MAP3K4: variants seen among roughly 807,000 people sequenced by gnomAD.
The protein encoded by MAP3K4 is MAP three kinase 1.
A neutral mutation model predicts 185.6 loss-of-function variants in MAP3K4; 67 were observed. That is an observed-to-expected ratio of 0.36 (90% CI 0.30 to 0.44). The LOEUF (loss-of-function observed/expected upper bound fraction) is 0.44. Among genes scored for constraint, MAP3K4 ranks in the 20% least tolerant of loss-of-function variants. The pLI is 1.00. For synonymous variants in MAP3K4, 702 were observed against 710.4 expected, an observed-to-expected ratio of 0.99 and a Z score of 0.19; for missense variants, 1,551 against 1,995.1, an observed-to-expected ratio of 0.78 and a Z score of 4.24.
rs942141682 is a variant in MAP3K4, at chr6:160,996,233, G to A, written c.152+4150G>A. 3.3e-5 allele frequency among the ~76,000 whole-genome samples: 5 copies of A among 152,156 alleles called. No individual in the cohort carries two copies. The highest frequency in any genetic ancestry group is 6.5e-5 in the Admixed American group (1 of 15,286). On this transcript the variant is annotated intron_variant, in intron 1 of 26. Coordinates refer to ENST00000392142, the MANE Select transcript of MAP3K4 (RefSeq NM_005922.4). This position sits in a 1 kb window ranked among gnomAD's most constrained non-coding sequence, Gnocchi z 4.5. ...CACTGTAACAGTAGATGCCATTGGC[G>A]GGGGTGGCGTTAGGCAGAGAGGAGT...
chr6:161,049,877 G>A lies in MAP3K4; in HGVS notation c.1605G>A (p.Lys535=). The change falls in exon 3 of 27, where the codon AAG becomes AAA. Residue 535 remains lysine (K), a synonymous_variant. Transcript: ENST00000392142. This position sits in a 1 kb window ranked among gnomAD's most constrained non-coding sequence, Gnocchi z 8.4. ...GACCATTTGTAGACAAAGCACTGAA[G>A]CAGATGGGGTTAAGAAAGTTAATTT... ...IYRPFVDKAL[K]QMGLRKLILR... is the part of the protein sequence containing the mutation. 1.2e-6 allele frequency: 2 copies of A among 1,614,190 alleles called. No individual in the cohort carries two copies. Among genetic ancestry groups the A allele is most frequent in the Non-Finnish European group, 8.5e-7 (1 of 1,180,024 alleles).
At position 161,040,982 on chromosome 6, in the gene MAP3K4, A is replaced by G. The variant is rs568400449; in HGVS notation, c.343+6533A>G. On this transcript the variant is annotated intron_variant, in intron 2 of 26. Coordinates refer to ENST00000392142, the MANE Select transcript of MAP3K4 (RefSeq NM_005922.4). ...TGTTGATGTTGAGTTAATGAAAGGG[A>G]GATTGTCTTCCACGGGCTGGCTTAA... Among the ~76,000 whole-genome samples the G allele has an allele frequency of 1.9e-3, 291 of 152,290 alleles. 1 individual carries two copies. Among genetic ancestry groups the G allele is most frequent in the Non-Finnish European group, 3.5e-3 (235 of 68,030 alleles).
In MAP3K4 at chr6:161,106,795, C is replaced by A; in HGVS notation, c.4048+90C>A. 1.9e-6 allele frequency: 2 copies of A among 1,076,592 alleles called. No homozygotes were observed. Among genetic ancestry groups the A allele is most frequent in the Non-Finnish European group, 1.3e-6 (1 of 778,484 alleles). The allele number at this position is 1,076,592 out of a possible 1,614,324, so 66.7% of individuals were successfully genotyped here. ...TTTAGGTTGAATCCTATAGAGTTGG[C>A]CCTTTTTTCTTGTAGACATAGCAAG... is the stretch of plus-strand genomic sequence containing the variant. On this transcript the variant is annotated intron_variant, in intron 20 of 26. Coordinates refer to ENST00000392142, the MANE Select transcript of MAP3K4 (RefSeq NM_005922.4). The surrounding 1 kb of genome is among the most constrained non-coding windows in gnomAD (Gnocchi z 4.9).
At chr6:161,089,549 A>T (rs1583218052) in intron 11 of MAP3K4, 78 bp downstream of exon 11, 1 of 1,487,024 alleles carries the variant, frequency 6.7e-7, no homozygotes, top group East Asian at 2.3e-5. Context: ...GTGTAAGGTA[A>T]TATCATCCAA....
intron 6 of MAP3K4, among the ~76,000 whole-genome samples, chr6:161,083,116 C>T (rs1414329236): frequency 2.0e-5 from 3 of 152,162 alleles, no homozygotes; most frequent in African/African-American, 7.2e-5. Flanking sequence ...CCAGCTGGCC[C>T]CTCTGCATGG....
chr6:160,992,139 G>T, intron 1 of MAP3K4, 56 bp downstream of exon 1: 1 of 1,462,244 alleles, frequency 6.8e-7, no homozygotes, highest in Non-Finnish European at 9.0e-7. Context: ...GTCCTGGCCC[G>T]AACTCGGTCG....
chr6:161,102,810 A>G, intron 19 of MAP3K4, 31 bp downstream of exon 19: 3 of 1,401,468 alleles, frequency 2.1e-6, no homozygotes, highest in East Asian at 2.4e-5. Flanking sequence ...GTTAAAAAAA[A>G]AAAAAAAAAA....
At chr6:161,111,081 G>A (rs1778326286) in intron 23 of MAP3K4, among the ~76,000 whole-genome samples, 1 of 152,218 alleles carries the variant, frequency 6.6e-6, no homozygotes, top group Admixed American at 6.5e-5. Context: ...GCCCCTCGTA[G>A]TCAATTGTGG....
chr6:161,048,704 A>G lies in MAP3K4; in HGVS notation c.432A>G (p.Lys144=), dbSNP rs2114760342. Residue 144 remains lysine (K), a synonymous_variant, in exon 3 of 27, where the codon AAA becomes AAG. Coordinates refer to ENST00000392142, the MANE Select transcript of MAP3K4 (RefSeq NM_005922.4). This position sits in a 1 kb window ranked among gnomAD's most constrained non-coding sequence, Gnocchi z 4.7. ...NVEEYSYKQE[K]KIRAALRTTE... is the part of the protein sequence containing the mutation. ...AAGAATACAGCTATAAGCAGGAGAA[A>G]AAGATCCGAGCAGCTCTTAGAACAA... 5 of 1,614,122 alleles carry G rather than the reference A, an allele frequency of 3.1e-6. No individual in the cohort carries two copies. Among genetic ancestry groups the G allele is most frequent in the Non-Finnish European group, 4.2e-6 (5 of 1,180,016 alleles).
chr6:161,062,393 G>C (rs532000356), intron 3 of MAP3K4, among the ~76,000 whole-genome samples: 1 of 152,154 alleles, frequency 6.6e-6, no homozygotes, highest in Admixed American at 6.5e-5. Context: ...CTTCAGGGTT[G>C]TGTGTGTGTA....
rs1778091139 is a variant in MAP3K4 at position 161,106,744 on chromosome 6, G to A, written c.4048+39G>A. On this transcript the variant is annotated intron_variant, in intron 20 of 26. Coordinates refer to ENST00000392142, the MANE Select transcript of MAP3K4 (RefSeq NM_005922.4). The surrounding 1 kb of genome is among the most constrained non-coding windows in gnomAD (Gnocchi z 4.9). ...GGAGCATGATGTCAAGATAGTCCCTGTTAGAAGTAGCAATAGTTATACTTC... is the reference window on the plus strand; with the variant it reads ...GGAGCATGATGTCAAGATAGTCCCTATTAGAAGTAGCAATAGTTATACTTC... The A allele has an allele frequency of 6.6e-6, 10 of 1,511,954 alleles. No individual in the cohort carries two copies. The East Asian group carries it at 2.3e-4, about 34-fold the overall frequency. 93.7% of individuals were successfully genotyped at this position (1,511,954 alleles called of 1,614,324 possible). A position where few individuals can be genotyped will look rare whatever the true frequency, so the allele number is the denominator to read the frequency against.
In MAP3K4 at chr6:161,089,449, C is replaced by G; in HGVS notation, c.2951C>G (p.Ala984Gly). The change falls in exon 11 of 27, where the codon GCC becomes GGC. Residue 984 changes from alanine to glycine, a missense_variant. By Grantham distance (60) the Ala-to-Gly change is moderately conservative (BLOSUM62 0). Around this residue, in one of 16 missense-constraint regions of MAP3K4, gnomAD observed 261 missense variants for 306.5 expected, o/e 0.85. Transcript: ENST00000392142. ...QEQTSSQPVI[A>G]KALQQLKNDA... ...CAGACATCCAGTCAGCCGGTCATCGCCAAAGCTTTGCAGCAGCTGAAGGTA... is the reference window on the plus strand; with the variant it reads ...CAGACATCCAGTCAGCCGGTCATCGGCAAAGCTTTGCAGCAGCTGAAGGTA... 6.2e-7 allele frequency: 1 copy of G among 1,614,188 alleles called. No homozygotes were observed. Among genetic ancestry groups the G allele is most frequent in the Non-Finnish European group, 8.5e-7 (1 of 1,180,032 alleles).
intron 3 of MAP3K4, among the ~76,000 whole-genome samples, chr6:161,058,002 A>C (rs965126029): frequency 6.6e-6 from 1 of 152,264 alleles, no homozygotes; most frequent in South Asian, 2.1e-4. Context: ...TGATAACAAC[A>C]GCACAATAGT....
intron 3 of MAP3K4, among the ~76,000 whole-genome samples, chr6:161,052,049 G>C (rs192738711): frequency 6.6e-6 from 1 of 152,242 alleles, no homozygotes; most frequent in African/African-American, 2.4e-5. Context: ...AGGGCCGACT[G>C]TATAACCTCA....
intron 5 of MAP3K4, among the ~76,000 whole-genome samples, chr6:161,079,532 G>A (rs1400549466): frequency 2.0e-5 from 3 of 152,040 alleles, no homozygotes; most frequent in South Asian, 2.1e-4. Flanking sequence ...AGCCGAGATC[G>A]TGCCATTGCA....
At position 161,102,756 on chromosome 6, in the gene MAP3K4, G is replaced by A. The variant is rs574843528; in HGVS notation, c.3833G>A (p.Arg1278Gln). 7 of 1,592,762 alleles carry A rather than the reference G, an allele frequency of 4.4e-6. No homozygotes were observed. The highest frequency in any genetic ancestry group is 4.1e-5 in the African/African-American group (3 of 73,204). ...TCCACAAGAAGAAGTTGGGAACTTC[G>A]GACACTAATCAGCCAGAGTAAAGGT... ...SGSTRRSWEL[R>Q]TLISQSKDTA... The change falls in exon 19 of 27, where the codon CGG becomes CAG. Residue 1278 changes from arginine to glutamine, a missense_variant. Arg to Gln is a conservative substitution (Grantham distance 43, BLOSUM62 1). Coordinates refer to ENST00000392142, the MANE Select transcript of MAP3K4 (RefSeq NM_005922.4).
At position 161,070,860 on chromosome 6, in the gene MAP3K4, A is replaced by G. The variant is rs753458686; in HGVS notation, c.1950+10A>G. ...CTTGAGTATTAAGCAGGTTTGCTTC[A>G]AAGACTCTTTAAAATATTTAGCAAT... is the stretch of plus-strand genomic sequence containing the variant. On this transcript the variant is annotated intron_variant, in intron 4 of 26. Transcript: ENST00000392142. This position sits in a 1 kb window ranked among gnomAD's most constrained non-coding sequence, Gnocchi z 4.5. 3.8e-6 allele frequency: 6 copies of G among 1,597,226 alleles called. No homozygotes were observed. The highest frequency in any genetic ancestry group is 2.6e-6 in the Non-Finnish European group (3 of 1,171,852).
Position 161,070,051 on chromosome 6 carries a change from A to T in MAP3K4, c.1708-557A>T, listed in dbSNP as rs1784870741. On this transcript the variant is annotated intron_variant, in intron 3 of 26. Transcript: ENST00000392142. This position sits in a 1 kb window ranked among gnomAD's most constrained non-coding sequence, Gnocchi z 4.5. Reference sequence around the variant, plus strand: ...CAAAACGGATAACTGAGTCATGCCAACCAGGTTGATCTTAACGATTTTTTA... The same window carrying T: ...CAAAACGGATAACTGAGTCATGCCATCCAGGTTGATCTTAACGATTTTTTA... Among the ~76,000 whole-genome samples, 1 of 152,222 alleles carries T rather than the reference A, an allele frequency of 6.6e-6. No homozygotes were observed. Among genetic ancestry groups the T allele is most frequent in the Non-Finnish European group, 1.5e-5 (1 of 68,040 alleles).
chr6:161,094,658 G>A (rs1447318177), intron 15 of MAP3K4, among the ~76,000 whole-genome samples: 4 of 152,128 alleles, frequency 2.6e-5, no homozygotes, highest in Non-Finnish European at 4.4e-5. Flanking sequence ...TTCATATAGG[G>A]TACTTGCTGG....
Sources: gnomAD v4.1 joint callset for allele counts (sites outside exome capture counted in the v4.1 genomes callset) on GRCh38, gnomAD v4.1.1 for gene constraint, gnomAD v4.1.1 regional missense constraint, Gnocchi (gnomAD v3.1) non-coding constraint, MANE v1.5 for transcripts, NCBI Gene and HGNC (gene_info 2026-07-23, HGNC 2026-07-21) for gene names.